Variants in CHN2 observed in about 807,000 individuals in gnomAD.
The protein encoded by CHN2 is chimerin 2.
A neutral mutation model predicts 56.3 loss-of-function variants in CHN2; 35 were observed. The observed-to-expected ratio is 0.62, with a 90% CI of 0.47 to 0.82. CHN2 has a LOEUF of 0.82. Among genes scored for constraint, CHN2 ranks in the 40% least tolerant of loss-of-function variants. The pLI is 0.00. For synonymous variants in CHN2, 210 were observed against 212.8 expected, an observed-to-expected ratio of 0.99 and a Z score of 0.12; for missense variants, 491 against 580.5, an observed-to-expected ratio of 0.85 and a Z score of 1.58.
In CHN2 at chr7:29,499,926, G is replaced by C; in HGVS notation, c.799G>C (p.Asp267His). The change falls in exon 9 of 13, where the codon GAT (aspartate) becomes CAT (histidine). Residue 267 changes from aspartate to histidine, a missense_variant. Asp to His is a moderately conservative substitution (Grantham distance 81). Transcript: ENST00000222792. The part of the protein sequence containing the change: ...SKHVPNDCQP[D>H]LKRIKKVYCC... ...GCACGTTCCCAATGACTGCCAACCT[G>C]ATCTCAAGAGGATCAAGAAAGTGTA... 6.2e-7 allele frequency: 1 copy of C among 1,612,802 alleles called. No individual in the cohort carries two copies. Among genetic ancestry groups the C allele is most frequent in the Non-Finnish European group, 8.5e-7 (1 of 1,179,590 alleles).
chr7:29,215,324 A>G (rs1259802429), intron 1 of CHN2, among the ~76,000 whole-genome samples: 1 of 152,184 alleles, frequency 6.6e-6, no homozygotes, highest in African/African-American at 2.4e-5. Flanking sequence ...CGTCCTCTGC[A>G]TTCACTGTCC....
chr7:29,445,249 T>G, intron 6 of CHN2: 1 of 437,506 alleles, frequency 2.3e-6, no homozygotes, highest in Non-Finnish European at 4.6e-6. Flanking sequence ...GAACCCTACC[T>G]CCTAGCCAGA....
At chr7:29,316,916 T>C (rs1348735730) in intron 1 of CHN2, among the ~76,000 whole-genome samples, 1 of 152,228 alleles carries the variant, frequency 6.6e-6, no homozygotes, top group East Asian at 1.9e-4. Context: ...AAAAATGTTT[T>C]ATTGCTACAA....
chr7:29,297,376 A>G (rs1327604070), intron 1 of CHN2, among the ~76,000 whole-genome samples: 5 of 152,032 alleles, frequency 3.3e-5, no homozygotes. Flanking sequence ...AAGGATGAAG[A>G]CCCATCTTAG....
chr7:29,283,420 C>A (rs989272395), intron 1 of CHN2, among the ~76,000 whole-genome samples: 3 of 152,122 alleles, frequency 2.0e-5, no homozygotes, highest in African/African-American at 7.2e-5. Flanking sequence ...AGAATCCTCT[C>A]CCCTTCCATG....
chr7:29,385,792 T>C (rs377378728), intron 3 of CHN2, among the ~76,000 whole-genome samples: 2 of 152,206 alleles, frequency 1.3e-5, no homozygotes, highest in South Asian at 2.1e-4. Flanking sequence ...AATCATAATT[T>C]CTGGAAAATT....
At chr7:29,332,933 G>A (rs1796333351) in intron 1 of CHN2, 2 of 151,960 alleles carry the variant, frequency 1.3e-5, no homozygotes, top group South Asian at 4.2e-4. Context: ...TCTTGGCTTG[G>A]GATCCTGTCT....
intron 1 of CHN2, among the ~76,000 whole-genome samples, chr7:29,238,233 A>C (rs71539594): frequency 2.0e-5 from 3 of 151,764 alleles, no homozygotes; most frequent in Non-Finnish European, 2.9e-5. Flanking sequence ...TTAGCCAGGA[A>C]GGTCTTGATC....
chr7:29,300,558 G>A (rs3812340), intron 1 of CHN2, among the ~76,000 whole-genome samples: 50,920 of 151,948 alleles, frequency 0.34, 8,829 homozygotes, highest in African/African-American at 0.4. Context: ...AAAATAGCCA[G>A]AGATGCAGCG....
chr7:29,177,841 C>G (rs1466306029), intron 2 of CHN2, among the ~76,000 whole-genome samples: 1 of 151,922 alleles, frequency 6.6e-6, no homozygotes, highest in Non-Finnish European at 1.5e-5. Flanking sequence ...TTTTCCAACC[C>G]AGACCTCTCT....
intron 1 of CHN2, among the ~76,000 whole-genome samples, chr7:29,305,110 AAGGAGCTCTAAACAGCCAGCGTT>A (rs1395340861): frequency 2.6e-5 from 4 of 152,150 alleles, no homozygotes; most frequent in Non-Finnish European, 2.9e-5. Context: ...GTGGCCAAGG[AAGGAGCTCTAAACAGCCAGCGTT>A]TGCCTGCACA....
At chr7:29,214,743 C>G (rs1785213347) in intron 1 of CHN2, among the ~76,000 whole-genome samples, 1 of 152,136 alleles carries the variant, frequency 6.6e-6, no homozygotes, top group Non-Finnish European at 1.5e-5. Flanking sequence ...CCATTGAATG[C>G]CTCTTACTTA....
intron 6 of CHN2, chr7:29,480,051 A>G: frequency 6.5e-7 from 1 of 1,537,734 alleles, no homozygotes; most frequent in East Asian, 2.5e-5. Context: ...GAAAATCCTG[A>G]CAGCACAGGG....
chr7:29,503,714 T>C (rs1203950016), intron 9 of CHN2, among the ~76,000 whole-genome samples: 1 of 152,216 alleles, frequency 6.6e-6, no homozygotes, highest in Non-Finnish European at 1.5e-5. Flanking sequence ...TGGCAGATAA[T>C]ACATACTCCA....
chr7:29,235,510 A>G (rs964818463), intron 1 of CHN2, among the ~76,000 whole-genome samples: 2 of 152,264 alleles, frequency 1.3e-5, no homozygotes, highest in Non-Finnish European at 2.9e-5. Context: ...CAGAACTACC[A>G]TTTAACCAAG....
chr7:29,225,191 G>A (rs1786093038), intron 1 of CHN2, among the ~76,000 whole-genome samples: 1 of 152,092 alleles, frequency 6.6e-6, no homozygotes. Context: ...TCTCCTGATT[G>A]TCATCAAATA....
chr7:29,357,285 A>G (rs1467099933), intron 2 of CHN2, among the ~76,000 whole-genome samples: 1 of 152,302 alleles, frequency 6.6e-6, no homozygotes, highest in East Asian at 1.9e-4. Context: ...ATTTGAGAGC[A>G]TCTAGTGATG....
chr7:29,190,503 A>G (rs1006859967), upstream of CHN2, among the ~76,000 whole-genome samples: 4 of 152,194 alleles, frequency 2.6e-5, no homozygotes, highest in Non-Finnish European at 5.9e-5. Flanking sequence ...TTTAAACTTC[A>G]AAAGAATGGT....
intron 6 of CHN2, among the ~76,000 whole-genome samples, chr7:29,473,492 G>GTGTA (rs1786331934): frequency 1.1e-5 from 1 of 88,462 alleles, no homozygotes; most frequent in Non-Finnish European, 2.1e-5. Flanking sequence ...TTGTGTGTGT[G>GTGTA]TGTGTGTGTG....
Sources: allele counts gnomAD v4.1 joint callset (sites outside exome capture counted in the v4.1 genomes callset), GRCh38; gene constraint gnomAD v4.1.1; transcripts MANE v1.5; gene names NCBI Gene and HGNC (gene_info 2026-07-23, HGNC 2026-07-21).